The following NCOR1 variants were observed in gnomAD, a reference collection of about 807,000 sequenced individuals.
NCOR1 encodes the protein protein phosphatase 1, regulatory subunit 109.
A neutral mutation model predicts 288.1 loss-of-function variants in NCOR1; 63 were observed. That is an observed-to-expected ratio of 0.22 (90% CI 0.18 to 0.27). The LOEUF is 0.27. Among genes scored for constraint, NCOR1 ranks in the 10% least tolerant of loss-of-function variants. The pLI is 1.00. For missense variants in NCOR1, 2,397 were observed against 3,019.2 expected (o/e 0.79, Z 4.83); for synonymous variants, 1,007 against 1,065.9 (o/e 0.94, Z 1.08).
intron 1 of NCOR1, among the ~76,000 whole-genome samples, chr17:16,201,758 C>A (rs2090841232): frequency 1.3e-5 from 2 of 152,064 alleles, no homozygotes; most frequent in Non-Finnish European, 2.9e-5. Flanking sequence ...CTGAACTGAA[C>A]AACACTCACT....
chr17:16,129,004 G>T (rs896402605), intron 14 of NCOR1, among the ~76,000 whole-genome samples: 11 of 152,012 alleles, frequency 7.2e-5, no homozygotes, highest in Admixed American at 6.5e-5. Flanking sequence ...TGGTGTTATG[G>T]AATGACTTCT....
chr17:16,113,715 A>T (rs1008204194), intron 18 of NCOR1, among the ~76,000 whole-genome samples: 1 of 152,156 alleles, frequency 6.6e-6, no homozygotes, highest in Non-Finnish European at 1.5e-5. Context: ...CAACATGGTG[A>T]AACCCCATCT....
chr17:16,116,083 AAG>A (rs1369420384), intron 18 of NCOR1, among the ~76,000 whole-genome samples: 1 of 152,194 alleles, frequency 6.6e-6, no homozygotes, highest in African/African-American at 2.4e-5. Context: ...CAGGCAAAAA[AAG>A]AGAGCTTGTG....
chr17:16,093,655 T>A (rs964638506), intron 21 of NCOR1, among the ~76,000 whole-genome samples: 1 of 152,216 alleles, frequency 6.6e-6, no homozygotes, highest in Non-Finnish European at 1.5e-5. Flanking sequence ...CTAGCGTAAG[T>A]AGTATTATTC....
chr17:16,122,709 T>C (rs2153165567), intron 15 of NCOR1: 1 of 152,416 alleles, frequency 6.6e-6, no homozygotes, highest in Non-Finnish European at 1.5e-5. Flanking sequence ...CGAACACAGC[T>C]CACTGCAGCC....
Position 16,092,063 on chromosome 17 carries a change from A to C in NCOR1, c.2821-5T>G, listed in dbSNP as rs751242263. On this transcript the variant is annotated splice_polypyrimidine_tract_variant and splice_region_variant and intron_variant, in intron 21 of 45. Coordinates refer to ENST00000268712, the MANE Select transcript of NCOR1 (RefSeq NM_006311.4). ...GTTACATGGGGTGCAGGATACCTAT[A>C]GGAAGAAAATAAATCGAAATATGCA... is the stretch of plus-strand genomic sequence containing the variant. 1 of 1,613,108 alleles carries C rather than the reference A, an allele frequency of 6.2e-7. No homozygotes were observed. The highest frequency in any genetic ancestry group is 1.3e-5 in the African/African-American group (1 of 75,064).
At position 16,176,856 on chromosome 17, in the gene NCOR1, T is replaced by A. The variant is rs191290890; in HGVS notation, c.243-4861A>T. 6.9e-3 allele frequency among the ~76,000 whole-genome samples: 1,045 copies of A among 152,162 alleles called. 9 individuals carry two copies. The highest frequency in any genetic ancestry group is 9.7e-3 in the Non-Finnish European group (663 of 68,040). ...CAACCATGATCTGTCTTGGTATGGA[T>A]CATTCTTTCTGTATAAATTTTCCTG... On this transcript the variant is annotated intron_variant, in intron 3 of 45. Transcript: ENST00000268712.
At chr17:16,096,998 T>C (rs960626939) in intron 21 of NCOR1, among the ~76,000 whole-genome samples, 1 of 152,254 alleles carries the variant, frequency 6.6e-6, no homozygotes, top group African/African-American at 2.4e-5. Flanking sequence ...GAGGACATTA[T>C]GCTGAGTGAA....
intron 18 of NCOR1, among the ~76,000 whole-genome samples, chr17:16,113,345 C>T (rs759994759): frequency 6.6e-6 from 1 of 151,796 alleles, no homozygotes; most frequent in Non-Finnish European, 1.5e-5. Flanking sequence ...GCACAATTCT[C>T]AAGGTGCTTC....
chr17:16,194,923 A>G (rs189816600), intron 1 of NCOR1, among the ~76,000 whole-genome samples: 133 of 152,352 alleles, frequency 8.7e-4, no homozygotes, highest in Non-Finnish European at 3.2e-4. Context: ...TGCTCAGTAA[A>G]TATCTTTCTA....
At chr17:16,046,541 G>C (rs2058680550) in intron 42 of NCOR1, among the ~76,000 whole-genome samples, 1 of 152,178 alleles carries the variant, frequency 6.6e-6, no homozygotes, top group Non-Finnish European at 1.5e-5. Context: ...ACCCACAGCT[G>C]ATGAAACTGG....
chr17:16,174,694 CTACGAA>C (rs914296107), intron 3 of NCOR1, among the ~76,000 whole-genome samples: 13 of 152,098 alleles, frequency 8.5e-5, no homozygotes, highest in African/African-American at 3.1e-4. Context: ...TTTAAATAAA[CTACGAA>C]AATCTTTGCT....
At position 16,055,218 on chromosome 17, in the gene NCOR1, T is replaced by C. The variant is rs1429473978; in HGVS notation, c.6392+2296A>G. On this transcript the variant is annotated intron_variant, in intron 40 of 45. Coordinates refer to ENST00000268712, the MANE Select transcript of NCOR1 (RefSeq NM_006311.4). The stretch of plus-strand genomic sequence containing the variant: ...TAAATCATTCTATTATAAAGACACA[T>C]GCACATGTATGTTCACTGTAGCACT... Among the ~76,000 whole-genome samples, 7 of 152,190 alleles carry C rather than the reference T, an allele frequency of 4.6e-5. No individual in the cohort carries two copies. In the East Asian group the frequency reaches 1.2e-3, roughly 25 times the overall value.
At chr17:16,199,972 G>A (rs866558409) in intron 1 of NCOR1, among the ~76,000 whole-genome samples, 1 of 151,898 alleles carries the variant, frequency 6.6e-6, no homozygotes, top group Non-Finnish European at 1.5e-5. Flanking sequence ...AAATGAAATT[G>A]ATCTATTTAA....
At chr17:16,140,381 T>C (rs1207438010) in intron 11 of NCOR1, among the ~76,000 whole-genome samples, 3 of 152,216 alleles carry the variant, frequency 2.0e-5, no homozygotes, top group Non-Finnish European at 4.4e-5. Flanking sequence ...AAATGAAAAA[T>C]TGCTGGGCAC....
intron 4 of NCOR1, among the ~76,000 whole-genome samples, chr17:16,169,975 A>T (rs1401009884): frequency 6.6e-6 from 1 of 152,200 alleles, no homozygotes; most frequent in Non-Finnish European, 1.5e-5. Context: ...TACGGCAAAG[A>T]ATTTTTCCCC....
In NCOR1 at chr17:16,104,947, G is replaced by C. The variant is rs183670974; in HGVS notation, c.2183-3190C>G. Among the ~76,000 whole-genome samples, 3 of 152,296 alleles carry C rather than the reference G, an allele frequency of 2.0e-5. No homozygotes were observed. In the East Asian group the frequency reaches 5.8e-4, roughly 29 times the overall value. ...ATGGTGGGGAAGAGCATCCCAGGTA[G>C]AGGGATTAGAAAGCACAAAGGCTCC... On this transcript the variant is annotated intron_variant, in intron 19 of 45. Coordinates refer to ENST00000268712, the MANE Select transcript of NCOR1 (RefSeq NM_006311.4).
chr17:16,193,384 C>T (rs1434660201), intron 2 of NCOR1, among the ~76,000 whole-genome samples: 2 of 151,980 alleles, frequency 1.3e-5, no homozygotes, highest in Non-Finnish European at 2.9e-5. Context: ...ATGCCTGCCA[C>T]GATGCCTGGC....
intron 11 of NCOR1, among the ~76,000 whole-genome samples, chr17:16,140,302 A>G (rs1599287888): frequency 6.6e-6 from 1 of 152,236 alleles, no homozygotes; most frequent in Non-Finnish European, 1.5e-5. Flanking sequence ...TGTACTTTAG[A>G]GGTAATTTTA....
Sources: allele counts gnomAD v4.1 joint callset (sites outside exome capture counted in the v4.1 genomes callset), GRCh38; gene constraint gnomAD v4.1.1; transcripts MANE v1.5; gene names NCBI Gene and HGNC (gene_info 2026-07-23, HGNC 2026-07-21).